Variants in SDK1 observed in about 807,000 individuals in gnomAD.
The protein encoded by SDK1 is protein sidekick-1.
SDK1 carries 157 observed loss-of-function variants against 245.5 expected under a neutral mutation model. The ratio of observed to expected loss-of-function variants is 0.64; its 90% CI spans 0.56 to 0.73. The LOEUF (loss-of-function observed/expected upper bound fraction) is 0.73. Ranked by LOEUF, SDK1 falls within the 30% of genes least tolerant of loss-of-function variation. SDK1 has a pLI of 0.00. For synonymous variants in SDK1, 1,647 were observed against 1,278.5 expected, an observed-to-expected ratio of 1.29 and a Z score of -6.15; for missense variants, 3,583 against 3,002.3, an observed-to-expected ratio of 1.19 and a Z score of -4.52.
intron 44 of SDK1, among the ~76,000 whole-genome samples, chr7:4,256,062 G>A (rs577812563): frequency 6.6e-6 from 1 of 151,896 alleles, no homozygotes; most frequent in Non-Finnish European, 1.5e-5. Flanking sequence ...TGTGATCACA[G>A]GTGTGCGCCA....
intron 1 of SDK1, among the ~76,000 whole-genome samples, chr7:3,514,040 G>A (rs1283493523): frequency 6.6e-6 from 1 of 152,056 alleles, no homozygotes; most frequent in African/African-American, 2.4e-5. Flanking sequence ...CCATTGATAG[G>A]CACCTAGGTT....
chr7:3,574,016 C>G (rs1044872933), intron 1 of SDK1, among the ~76,000 whole-genome samples: 1 of 151,984 alleles, frequency 6.6e-6, no homozygotes, highest in African/African-American at 2.4e-5. Flanking sequence ...GTTTTCACTT[C>G]GGTTCTGCAG....
chr7:3,945,571 T>C (rs1275850833), intron 5 of SDK1, among the ~76,000 whole-genome samples: 1 of 150,974 alleles, frequency 6.6e-6, no homozygotes, highest in Non-Finnish European at 1.5e-5. Flanking sequence ...ATATGGTTAC[T>C]GAAAATAAAC....
At chr7:3,959,524 A>G (rs1160876984) in intron 8 of SDK1, among the ~76,000 whole-genome samples, 1 of 152,190 alleles carries the variant, frequency 6.6e-6, no homozygotes, top group Non-Finnish European at 1.5e-5. Context: ...TGCGTCCGTC[A>G]CTGGAGTGAT....
intron 38 of SDK1, among the ~76,000 whole-genome samples, chr7:4,215,648 C>T (rs1169390474): frequency 1.3e-5 from 2 of 152,192 alleles, no homozygotes; most frequent in Non-Finnish European, 2.9e-5. Context: ...GACTGCCCCG[C>T]GGTACGGGAG....
chr7:3,335,179 A>T (rs1426397440), intron 1 of SDK1, among the ~76,000 whole-genome samples: 2 of 152,156 alleles, frequency 1.3e-5, no homozygotes, highest in Non-Finnish European at 1.5e-5. Flanking sequence ...ACATAAACCT[A>T]AATCATGTCT....
chr7:4,161,932 C>G lies in SDK1; in HGVS notation c.4800+76C>G, dbSNP rs533304169. On this transcript the variant is annotated intron_variant, in intron 32 of 44. Transcript: ENST00000404826. ...CTGCGCATTCAGCCACAACGGCTGACATGGACTGCAAGCTGAGCCCTGAGC... is the reference window on the plus strand; with the variant it reads ...CTGCGCATTCAGCCACAACGGCTGAGATGGACTGCAAGCTGAGCCCTGAGC... 100 of 1,296,780 alleles carry G rather than the reference C, an allele frequency of 7.7e-5. 1 individual carries two copies. In the South Asian group the frequency reaches 1.2e-3, roughly 15 times the overall value. 80.3% of individuals were successfully genotyped at this position (1,296,780 alleles called of 1,614,324 possible). A position where few individuals can be genotyped will look rare whatever the true frequency, so the allele number is the denominator to read the frequency against.
chr7:3,676,286 T>A (rs1783892506), intron 4 of SDK1, among the ~76,000 whole-genome samples: 1 of 151,550 alleles, frequency 6.6e-6, no homozygotes, highest in Non-Finnish European at 1.5e-5. Context: ...CCGAAAGTGC[T>A]GGAATTACAC....
chr7:3,605,060 A>T (rs1281517491), intron 1 of SDK1, among the ~76,000 whole-genome samples: 1 of 150,504 alleles, frequency 6.6e-6, no homozygotes, highest in Non-Finnish European at 1.5e-5. Context: ...TAGTTCTTTT[A>T]ATTTTTTTTA....
intron 5 of SDK1, among the ~76,000 whole-genome samples, chr7:3,895,946 A>T (rs554764565): frequency 6.6e-6 from 1 of 152,168 alleles, no homozygotes; most frequent in South Asian, 2.1e-4. Context: ...CAGAAAACAT[A>T]CTCTGCATGA....
chr7:3,480,321 C>T (rs758478508), intron 1 of SDK1, among the ~76,000 whole-genome samples: 4 of 152,122 alleles, frequency 2.6e-5, no homozygotes, highest in East Asian at 1.9e-4. Context: ...AATGGAGCCG[C>T]GAGGCCATGA....
intron 1 of SDK1, among the ~76,000 whole-genome samples, chr7:3,381,454 C>T (rs1011862124): frequency 4.6e-5 from 7 of 152,002 alleles, no homozygotes; most frequent in Admixed American, 2.0e-4. Context: ...GAGTGAGCCC[C>T]TCTCAAAAAC....
At chr7:3,335,306 C>T (rs1002158210) in intron 1 of SDK1, among the ~76,000 whole-genome samples, 2 of 152,152 alleles carry the variant, frequency 1.3e-5, no homozygotes, top group Non-Finnish European at 2.9e-5. Context: ...TATTTACCCC[C>T]TAAGCATTAT....
At chr7:3,838,979 C>G (rs1780092403) in intron 5 of SDK1, among the ~76,000 whole-genome samples, 1 of 152,158 alleles carries the variant, frequency 6.6e-6, no homozygotes, top group Admixed American at 6.5e-5. Flanking sequence ...CACGTCCTGT[C>G]TGCTCCCTAC....
intron 35 of SDK1, among the ~76,000 whole-genome samples, chr7:4,196,832 C>T (rs1038495538): frequency 1.3e-5 from 2 of 152,146 alleles, no homozygotes; most frequent in Non-Finnish European, 1.5e-5. Context: ...GAGAAGCATT[C>T]GGAGAGGATT....
chr7:3,950,835 G>T, intron 5 of SDK1, 88 bp from the exon 6 acceptor site: 1 of 946,026 alleles, frequency 1.1e-6, no homozygotes, highest in Non-Finnish European at 1.7e-6. Flanking sequence ...GGTATCCCCG[G>T]GGGTCTTGGA....
chr7:4,251,546 C>T (rs1325319193), intron 44 of SDK1, among the ~76,000 whole-genome samples: 1 of 152,216 alleles, frequency 6.6e-6, no homozygotes, highest in African/African-American at 2.4e-5. Flanking sequence ...TAGAAACTCA[C>T]TGCCCAGGGT....
chr7:3,666,386 A>T lies in SDK1; in HGVS notation c.713+24281A>T, dbSNP rs886685987. ...CCGTCCCCCTGCCTGGAATGCCATC[A>T]CCATGCTGGATTTTACTTTTAGCTT... On this transcript the variant is annotated intron_variant, in intron 4 of 44. Transcript: ENST00000404826. Among the ~76,000 whole-genome samples, 12 of 152,190 alleles carry T rather than the reference A, an allele frequency of 7.9e-5. No homozygotes were observed. The East Asian group carries it at 1.9e-3, about 25-fold the overall frequency.
At chr7:3,417,273 A>T (rs1408469140) in intron 1 of SDK1, among the ~76,000 whole-genome samples, 2 of 152,186 alleles carry the variant, frequency 1.3e-5, no homozygotes, top group African/African-American at 4.8e-5. Context: ...TACATTTAAA[A>T]CTATGGAACA....
Sources: gnomAD v4.1 joint callset for allele counts (sites outside exome capture counted in the v4.1 genomes callset) on GRCh38, gnomAD v4.1.1 for gene constraint, MANE v1.5 for transcripts, NCBI Gene and HGNC (gene_info 2026-07-23, HGNC 2026-07-21) for gene names.